Variants in CNTN3 observed in about 807,000 individuals in gnomAD.
CNTN3 encodes the protein contactin 3, also known as contactin-3.
A neutral mutation model predicts 119.1 loss-of-function variants in CNTN3; 60 were observed. The ratio of observed to expected loss-of-function variants is 0.50; its 90% CI spans 0.41 to 0.62. The LOEUF (loss-of-function observed/expected upper bound fraction) is 0.62, where lower values mean the gene tolerates loss of function less well. Among genes scored for constraint, CNTN3 ranks in the 20% least tolerant of loss-of-function variants. The pLI is 0.00. For missense variants in CNTN3, 1,101 were observed against 1,242.4 expected, an observed-to-expected ratio of 0.89 and a Z score of 1.71; for synonymous variants, 450 against 438.7, an observed-to-expected ratio of 1.03 and a Z score of -0.32.
chr3:74,592,317 A>C (rs1704716918), intron 1 of CNTN3, among the ~76,000 whole-genome samples: 1 of 151,904 alleles, frequency 6.6e-6, no homozygotes, highest in Non-Finnish European at 1.5e-5. Flanking sequence ...AGCTCAGTGG[A>C]GTAAAGGAGT....
At chr3:74,342,897 C>G (rs374233423) in intron 11 of CNTN3, among the ~76,000 whole-genome samples, 1 of 152,254 alleles carries the variant, frequency 6.6e-6, no homozygotes, top group East Asian at 1.9e-4. Context: ...ACAAAGGAGT[C>G]TTTGGAAAAA....
intron 4 of CNTN3, among the ~76,000 whole-genome samples, chr3:74,445,530 C>T (rs1297010587): frequency 1.3e-5 from 2 of 152,126 alleles, no homozygotes; most frequent in African/African-American, 2.4e-5. Context: ...TCCCAAAATG[C>T]TCTTGTTTTA....
In CNTN3 at chr3:74,264,489, C is replaced by G. The variant is rs1041987320; in HGVS notation, c.2999G>C (p.Arg1000Thr). 6 of 1,609,458 alleles carry G rather than the reference C, an allele frequency of 3.7e-6. No individual in the cohort carries two copies. ...ATTCGAGATGGCTGAAGTGGATCCT[C>G]TTGCATCCATACCTGTCAAAGTTGA... ...RIPRITSMDA[R>T]GSTSAISNVH... Residue 1000 changes from arginine to threonine, a missense_variant, in exon 23 of 23, where the codon AGA becomes ACA. Arg to Thr is a moderately conservative substitution (Grantham distance 71). Coordinates refer to ENST00000263665, the MANE Select transcript of CNTN3 (RefSeq NM_020872.3).
intron 11 of CNTN3, among the ~76,000 whole-genome samples, chr3:74,352,004 T>C (rs969207866): frequency 6.6e-6 from 1 of 152,170 alleles, no homozygotes; most frequent in Non-Finnish European, 1.5e-5. Context: ...CTCTTGCTTA[T>C]TTACCCAGGC....
chr3:74,290,859 T>A (rs1358232258), intron 19 of CNTN3, among the ~76,000 whole-genome samples: 1 of 152,022 alleles, frequency 6.6e-6, no homozygotes, highest in Non-Finnish European at 1.5e-5. Context: ...GCCCGGCTAA[T>A]TTTTTGTATT....
intron 19 of CNTN3, among the ~76,000 whole-genome samples, chr3:74,291,019 A>C (rs761082628): frequency 4.6e-5 from 7 of 151,936 alleles, no homozygotes; most frequent in Non-Finnish European, 1.0e-4. Flanking sequence ...CATTTACATT[A>C]GGTATATCTC....
chr3:74,324,568 C>A (rs994904036), intron 13 of CNTN3, among the ~76,000 whole-genome samples: 2 of 152,162 alleles, frequency 1.3e-5, no homozygotes, highest in Admixed American at 1.3e-4. Context: ...GCAAAATCTG[C>A]CAGAAGTTTT....
intron 3 of CNTN3, among the ~76,000 whole-genome samples, chr3:74,490,384 T>G (rs1304492976): frequency 6.6e-6 from 1 of 152,190 alleles, no homozygotes; most frequent in Non-Finnish European, 1.5e-5. Context: ...GAAAAAACAC[T>G]TTTTAGCTCA....
At chr3:74,392,528 G>A (rs1704939196) in intron 5 of CNTN3, among the ~76,000 whole-genome samples, 1 of 152,106 alleles carries the variant, frequency 6.6e-6, no homozygotes, top group Non-Finnish European at 1.5e-5. Flanking sequence ...AAAGCCAAAA[G>A]ATGAGATATT....
chr3:74,547,512 C>T (rs962346742), intron 1 of CNTN3, among the ~76,000 whole-genome samples: 2 of 152,050 alleles, frequency 1.3e-5, no homozygotes, highest in African/African-American at 4.8e-5. Context: ...ATATTTCTAC[C>T]TGGCAAACAA....
intron 5 of CNTN3, among the ~76,000 whole-genome samples, chr3:74,381,512 C>T (rs1055054658): frequency 1.3e-5 from 2 of 152,100 alleles, no homozygotes; most frequent in Admixed American, 6.5e-5. Flanking sequence ...TTCATAGCTG[C>T]TTCAGGTTCA....
intron 5 of CNTN3, among the ~76,000 whole-genome samples, chr3:74,385,248 A>G (rs1704719157): frequency 2.0e-5 from 3 of 152,340 alleles, no homozygotes; most frequent in South Asian, 2.1e-4. Flanking sequence ...GGATTTGGCC[A>G]TCATCCCCTA....
chr3:74,314,864 C>T lies in CNTN3; in HGVS notation c.1669-12057G>A, dbSNP rs113992444. ...GTCAGAGGCGTTTGAATCAGAGTGA[C>T]TCCACCTTGAGTCACAGCCATAGTA... On this transcript the variant is annotated intron_variant, in intron 13 of 22. Coordinates refer to ENST00000263665, the MANE Select transcript of CNTN3 (RefSeq NM_020872.3). Among the ~76,000 whole-genome samples the T allele has an allele frequency of 8.5e-3, 1,287 of 152,298 alleles. 15 individuals carry two copies. The highest frequency in any genetic ancestry group is 0.028 in the African/African-American group (1,179 of 41,550).
chr3:74,568,681 A>G (rs1461272030), intron 1 of CNTN3, among the ~76,000 whole-genome samples: 3 of 152,198 alleles, frequency 2.0e-5, no homozygotes, highest in Admixed American at 6.5e-5. Context: ...CAACAAGCCC[A>G]CTTAGCCAAC....
intron 1 of CNTN3, among the ~76,000 whole-genome samples, chr3:74,555,001 G>A (rs1408445620): frequency 6.6e-6 from 1 of 152,314 alleles, no homozygotes; most frequent in Non-Finnish European, 1.5e-5. Context: ...GGTTTTCAAA[G>A]GGAAAGCTTC....
chr3:74,480,833 T>C (rs527602634), intron 4 of CNTN3, among the ~76,000 whole-genome samples: 23 of 151,880 alleles, frequency 1.5e-4, no homozygotes, highest in African/African-American at 4.3e-4. Flanking sequence ...GTTGGAGATA[T>C]TGATTAACTT....
intron 11 of CNTN3, among the ~76,000 whole-genome samples, chr3:74,347,303 A>G (rs1429026617): frequency 6.6e-6 from 1 of 151,938 alleles, no homozygotes; most frequent in African/African-American, 2.4e-5. Flanking sequence ...GTGCAGCAGC[A>G]TGATCACAGC....
chr3:74,457,123 T>C (rs891433340), intron 4 of CNTN3, among the ~76,000 whole-genome samples: 1 of 152,102 alleles, frequency 6.6e-6, no homozygotes, highest in Non-Finnish European at 1.5e-5. Context: ...TATTTTGTTT[T>C]AATATTATTA....
At chr3:74,290,723 G>A (rs1435265062) in intron 19 of CNTN3, among the ~76,000 whole-genome samples, 1 of 151,866 alleles carries the variant, frequency 6.6e-6, no homozygotes, top group Non-Finnish European at 1.5e-5. Flanking sequence ...ACGGAGTCTC[G>A]CTGTGTTGCC....
Sources: gnomAD v4.1 joint callset for allele counts (sites outside exome capture counted in the v4.1 genomes callset) on GRCh38, gnomAD v4.1.1 for gene constraint, MANE v1.5 for transcripts, NCBI Gene and HGNC (gene_info 2026-07-23, HGNC 2026-07-21) for gene names.